The following CNTN3 variants were observed in gnomAD, a reference collection of about 807,000 sequenced individuals.
CNTN3 encodes contactin 3, also known as contactin-3.
In CNTN3, 60 loss-of-function variants were observed where a neutral mutation model predicts 119.1. That is an observed-to-expected ratio of 0.50 (90% CI 0.41 to 0.62). The LOEUF (loss-of-function observed/expected upper bound fraction) is 0.62. Among genes scored for constraint, CNTN3 ranks in the 20% least tolerant of loss-of-function variants. The probability of loss-of-function intolerance (pLI) is 0.00; values close to 1 mark genes in which losing one functional copy is unlikely to be tolerated. For synonymous variants in CNTN3, 450 were observed against 438.7 expected (o/e 1.03, Z -0.32); for missense variants, 1,101 against 1,242.4 (o/e 0.89, Z 1.71).
chr3:74,406,989 G>T (rs1352005456), intron 5 of CNTN3, among the ~76,000 whole-genome samples: 2 of 152,058 alleles, frequency 1.3e-5, no homozygotes, highest in Admixed American at 1.3e-4. Flanking sequence ...AGGAATAAAA[G>T]AAAAGTATAA....
At chr3:74,267,010 A>G (rs536303440) in intron 21 of CNTN3, among the ~76,000 whole-genome samples, 1 of 152,264 alleles carries the variant, frequency 6.6e-6, no homozygotes, top group South Asian at 2.1e-4. Flanking sequence ...ATAGGTCAGC[A>G]TCAATAGTAG....
chr3:74,314,484 CAA>C (rs577241865), intron 13 of CNTN3, among the ~76,000 whole-genome samples: 125 of 152,136 alleles, frequency 8.2e-4, no homozygotes, highest in African/African-American at 2.9e-3. Flanking sequence ...TTGTACTAAT[CAA>C]AAGACAGCAG....
intron 13 of CNTN3, among the ~76,000 whole-genome samples, chr3:74,315,551 C>T (rs1470274065): frequency 6.6e-6 from 1 of 152,048 alleles, no homozygotes; most frequent in East Asian, 1.9e-4. Context: ...AGAAAACATA[C>T]CTTAAAAATG....
In CNTN3 at chr3:74,546,119, C is replaced by T. The variant is rs928197498; in HGVS notation, c.-80-24927G>A. Among the ~76,000 whole-genome samples the T allele has an allele frequency of 2.0e-5, 3 of 152,092 alleles. No individual in the cohort carries two copies. The South Asian group carries it at 6.2e-4, about 31-fold the overall frequency. The stretch of plus-strand genomic sequence containing the variant: ...CATGCCATTCTCCTGCCTCAGCCTT[C>T]CGAGTAGCTGGGACTACAGGCGCCC... On this transcript the variant is annotated intron_variant, in intron 1 of 22. Transcript: ENST00000263665.
intron 11 of CNTN3, among the ~76,000 whole-genome samples, chr3:74,344,604 G>C (rs860562): frequency 0.8 from 120,487 of 150,594 alleles, 48,264 homozygotes; most frequent in Admixed American, 0.85. Flanking sequence ...ACTACAGGCG[G>C]CCGACACCAC....
chr3:74,317,841 T>A (rs959343511), intron 13 of CNTN3, among the ~76,000 whole-genome samples: 1 of 152,152 alleles, frequency 6.6e-6, no homozygotes, highest in African/African-American at 2.4e-5. Flanking sequence ...TCGAGGAGTA[T>A]CTTTGTGCCG....
intron 3 of CNTN3, among the ~76,000 whole-genome samples, chr3:74,488,055 T>C (rs1240215956): frequency 2.0e-5 from 3 of 150,184 alleles, no homozygotes; most frequent in Non-Finnish European, 3.0e-5. Flanking sequence ...ACATCAATAT[T>C]ACATAATTAT....
intron 5 of CNTN3, among the ~76,000 whole-genome samples, chr3:74,371,996 T>C (rs139111155): frequency 2.3e-3 from 353 of 152,238 alleles, no homozygotes; most frequent in Middle Eastern, 0.01. Flanking sequence ...AACCTTCAAA[T>C]GGTTTTCAAA....
intron 11 of CNTN3, among the ~76,000 whole-genome samples, chr3:74,337,319 C>A (rs182384223): frequency 2.2e-4 from 33 of 152,122 alleles, no homozygotes; most frequent in Admixed American, 7.2e-4. Context: ...ATACACTTAG[C>A]ACTATAAGAG....
At chr3:74,264,584 TC>T (rs556531280) in intron 22 of CNTN3, 83 bp from the exon 23 acceptor site, 18 of 807,958 alleles carry the variant, frequency 2.2e-5, no homozygotes, top group African/African-American at 2.1e-4. Context: ...TTTGTGGTGT[TC>T]CCCCCAAATT....
At chr3:74,353,356 C>T (rs548505073) in intron 11 of CNTN3, among the ~76,000 whole-genome samples, 6 of 152,324 alleles carry the variant, frequency 3.9e-5, no homozygotes, top group Admixed American at 3.9e-4. Context: ...CAGTGCTTCA[C>T]AAATGGCAAA....
intron 13 of CNTN3, among the ~76,000 whole-genome samples, chr3:74,328,273 G>A (rs1703177515): frequency 6.6e-6 from 1 of 151,906 alleles, no homozygotes; most frequent in Non-Finnish European, 1.5e-5. Context: ...GACCTGATAA[G>A]TTTTAATCAT....
At position 74,582,780 on chromosome 3, in the gene CNTN3, CAT is replaced by C. The variant is rs746405334; in HGVS notation, c.-81+31609_-81+31610del. 3.5e-3 allele frequency among the ~76,000 whole-genome samples: 385 copies of C among 109,992 alleles called. 1 individual carries two copies. Among genetic ancestry groups the C allele is most frequent in the Non-Finnish European group, 4.7e-3 (276 of 59,136 alleles). 72.2% of individuals were successfully genotyped at this position (109,992 alleles called of 152,430 possible). A position where few individuals can be genotyped will look rare whatever the true frequency, so the allele number is the denominator to read the frequency against. On this transcript the variant is annotated intron_variant, in intron 1 of 22. Coordinates refer to ENST00000263665, the MANE Select transcript of CNTN3 (RefSeq NM_020872.3). ...GATACCCATCAAGTGCATGTGTATG[CAT>C]TTGTGTGTGTGTGTGTGTGTGTGTG...
chr3:74,327,836 C>T (rs1703168147), intron 13 of CNTN3, among the ~76,000 whole-genome samples: 1 of 151,236 alleles, frequency 6.6e-6, no homozygotes. Context: ...AGAAATGGTC[C>T]ATTTAACTAG....
At chr3:74,329,753 C>A (rs672754) in intron 13 of CNTN3, among the ~76,000 whole-genome samples, 107,026 of 152,122 alleles carry the variant, frequency 0.7, 38,223 homozygotes, top group African/African-American at 0.83. Flanking sequence ...CAAAGATGTT[C>A]TACAGGGGTA....
intron 13 of CNTN3, among the ~76,000 whole-genome samples, chr3:74,319,495 C>A (rs1305396901): frequency 2.0e-5 from 3 of 152,102 alleles, no homozygotes; most frequent in Non-Finnish European, 4.4e-5. Flanking sequence ...CCCTTCCTTA[C>A]ACCTTATACA....
At chr3:74,449,380 T>A (rs1490776603) in intron 4 of CNTN3, among the ~76,000 whole-genome samples, 1 of 151,888 alleles carries the variant, frequency 6.6e-6, no homozygotes, top group African/African-American at 2.4e-5. Context: ...ACAACACTAA[T>A]CTCTGTAGTC....
chr3:74,435,390 C>T (rs564404279), intron 4 of CNTN3, among the ~76,000 whole-genome samples: 2 of 152,106 alleles, frequency 1.3e-5, no homozygotes, highest in African/African-American at 4.8e-5. Context: ...TTGCCCAGGC[C>T]AGTCACAAAC....
At chr3:74,404,749 G>A (rs1705282485) in intron 5 of CNTN3, among the ~76,000 whole-genome samples, 1 of 151,816 alleles carries the variant, frequency 6.6e-6, no homozygotes, top group East Asian at 1.9e-4. Context: ...TCTACTGTGT[G>A]TTTCATGCCC....
Sources: allele counts gnomAD v4.1 joint callset (sites outside exome capture counted in the v4.1 genomes callset), GRCh38; gene constraint gnomAD v4.1.1; transcripts MANE v1.5; gene names NCBI Gene and HGNC (gene_info 2026-07-23, HGNC 2026-07-21).